Variants in MAGI2 observed in about 807,000 individuals in gnomAD.
The protein encoded by MAGI2 is membrane associated guanylate kinase, WW and PDZ domain containing 2, also known as membrane-associated guanylate kinase, WW and PDZ domain-containing protein 2.
A neutral mutation model predicts 133.3 loss-of-function variants in MAGI2; 35 were observed. That is an observed-to-expected ratio of 0.26 (90% confidence interval 0.20 to 0.35). MAGI2 has a LOEUF of 0.35. Among genes scored for constraint, MAGI2 ranks in the 10% least tolerant of loss-of-function variants. The pLI, the probability that MAGI2 is intolerant of heterozygous loss-of-function variation, is 1.00. For synonymous variants in MAGI2, 729 were observed against 710.6 expected, an observed-to-expected ratio of 1.03 and a Z score of -0.41; for missense variants, 1,636 against 1,863.4, an observed-to-expected ratio of 0.88 and a Z score of 2.25.
chr7:78,498,795 G>A (rs538907654), intron 5 of MAGI2, among the ~76,000 whole-genome samples: 1 of 152,222 alleles, frequency 6.6e-6, no homozygotes, highest in East Asian at 1.9e-4. Flanking sequence ...GATGCCTCCA[G>A]TCTATGGAGG....
chr7:78,568,167 C>G (rs533223106), intron 3 of MAGI2: 1 of 152,312 alleles, frequency 6.6e-6, no homozygotes, highest in Admixed American at 6.5e-5. Context: ...TGTTTAAGTT[C>G]TAAATGTTTA....
chr7:78,169,787 C>A (rs952571368), intron 14 of MAGI2, among the ~76,000 whole-genome samples: 1 of 152,238 alleles, frequency 6.6e-6, no homozygotes, highest in Non-Finnish European at 1.5e-5. Flanking sequence ...ACTGGCTGCA[C>A]AGTGCAGTTC....
At chr7:78,768,749 T>G (rs888889190) in intron 2 of MAGI2, among the ~76,000 whole-genome samples, 3 of 152,202 alleles carry the variant, frequency 2.0e-5, no homozygotes, top group Admixed American at 6.5e-5. Flanking sequence ...TAGCATAAAA[T>G]TTAAAGAATT....
intron 1 of MAGI2, among the ~76,000 whole-genome samples, chr7:79,198,656 G>A (rs1347303273): frequency 1.0e-3 from 154 of 152,130 alleles, no homozygotes; most frequent in Non-Finnish European, 3.1e-4. Context: ...TTGGGAGGCC[G>A]AAGAGGGAGG....
chr7:78,713,828 CG>C (rs1316125011), intron 2 of MAGI2, among the ~76,000 whole-genome samples: 1 of 152,072 alleles, frequency 6.6e-6, no homozygotes, highest in Non-Finnish European at 1.5e-5. Flanking sequence ...TTTTACCTCA[CG>C]TATTCTCAAT....
chr7:78,685,654 G>A lies in MAGI2; in HGVS notation c.419-58415C>T, dbSNP rs78341361. ...ATATACGTAACCTATATATATATGT[G>A]TGTGTGTGTGTGTATATATAGGTTA... On this transcript the variant is annotated intron_variant, in intron 2 of 21. Transcript: ENST00000354212. Among the ~76,000 whole-genome samples the A allele has an allele frequency of 7.7e-5, 10 of 130,054 alleles. No individual in the cohort carries two copies. The South Asian group carries it at 2.5e-3, about 32-fold the overall frequency. The allele number at this position is 130,054 out of a possible 152,430, so 85.3% of individuals were successfully genotyped here.
At chr7:78,561,231 T>C (rs1461172981) in intron 3 of MAGI2, among the ~76,000 whole-genome samples, 1 of 152,074 alleles carries the variant, frequency 6.6e-6, no homozygotes, top group Non-Finnish European at 1.5e-5. Flanking sequence ...GGTAGGTAGG[T>C]GTGGGCTCAC....
chr7:78,299,032 G>T (rs1797593138), intron 9 of MAGI2, among the ~76,000 whole-genome samples: 1 of 147,134 alleles, frequency 6.8e-6, no homozygotes, highest in South Asian at 2.3e-4. Flanking sequence ...GGTCAGGCTG[G>T]TCTTGAAACT....
intron 6 of MAGI2, among the ~76,000 whole-genome samples, chr7:78,396,718 T>C (rs1349046893): frequency 6.6e-6 from 1 of 152,100 alleles, no homozygotes; most frequent in Non-Finnish European, 1.5e-5. Flanking sequence ...ATTCAATCAA[T>C]GGATAAGTGT....
At chr7:78,732,437 C>T (rs954259100) in intron 2 of MAGI2, among the ~76,000 whole-genome samples, 7 of 152,064 alleles carry the variant, frequency 4.6e-5, no homozygotes, top group African/African-American at 1.7e-4. Flanking sequence ...GATGGGTCTC[C>T]TCATCTCATC....
chr7:78,408,872 T>C (rs1797621963), intron 6 of MAGI2, among the ~76,000 whole-genome samples: 1 of 152,136 alleles, frequency 6.6e-6, no homozygotes, highest in Admixed American at 6.6e-5. Flanking sequence ...CTAGAATAAA[T>C]TTGAAATTAC....
At chr7:79,061,191 T>G (rs1813693010) in intron 1 of MAGI2, among the ~76,000 whole-genome samples, 1 of 152,088 alleles carries the variant, frequency 6.6e-6, no homozygotes, top group Admixed American at 6.6e-5. Flanking sequence ...TTCAGGAAGA[T>G]GTTCCTGAGC....
chr7:79,158,550 A>C (rs541618906), intron 1 of MAGI2, among the ~76,000 whole-genome samples: 1 of 152,222 alleles, frequency 6.6e-6, no homozygotes, highest in East Asian at 1.9e-4. Flanking sequence ...ATTGACCATA[A>C]GGGTTATAAA....
rs546068084 is a variant in MAGI2 at position 79,335,572 on chromosome 7, T to C, written c.301+117448A>G. Among the ~76,000 whole-genome samples the C allele has an allele frequency of 3.9e-5, 6 of 152,162 alleles. No individual in the cohort carries two copies. The South Asian group carries it at 8.3e-4, about 21-fold the overall frequency. On this transcript the variant is annotated intron_variant, in intron 1 of 21. Transcript: ENST00000354212. ...AAAATGGTAAATATATAGGAAAATA[T>C]ATAGAAAAATGGTAAATCTATAGGA...
chr7:78,213,954 C>A (rs1788019728), intron 10 of MAGI2, among the ~76,000 whole-genome samples: 1 of 152,168 alleles, frequency 6.6e-6, no homozygotes, highest in Non-Finnish European at 1.5e-5. Context: ...TTGAAACACC[C>A]AATCCAAACC....
At chr7:78,253,044 T>A (rs1792589119) in intron 10 of MAGI2, 2 of 152,026 alleles carry the variant, frequency 1.3e-5, no homozygotes, top group African/African-American at 4.8e-5. Flanking sequence ...ATATTCTTCT[T>A]ACAGCTGAGC....
chr7:78,727,328 T>C (rs1244188213), intron 2 of MAGI2, among the ~76,000 whole-genome samples: 2 of 152,216 alleles, frequency 1.3e-5, no homozygotes, highest in African/African-American at 4.8e-5. Context: ...TTGCAGCAAT[T>C]ACCTGGCCAT....
chr7:78,383,495 G>A (rs963345055), intron 6 of MAGI2, among the ~76,000 whole-genome samples: 3 of 151,860 alleles, frequency 2.0e-5, no homozygotes, highest in Non-Finnish European at 2.9e-5. Flanking sequence ...TGTATATTCT[G>A]GATATTGGTA....
At chr7:78,606,801 C>G (rs1046258453) in intron 3 of MAGI2, among the ~76,000 whole-genome samples, 10 of 150,408 alleles carry the variant, frequency 6.6e-5, no homozygotes, top group Non-Finnish European at 1.3e-4. Context: ...GTTAACATGC[C>G]CTTGTATTCT....
Sources: allele counts gnomAD v4.1 joint callset (sites outside exome capture counted in the v4.1 genomes callset), GRCh38; gene constraint gnomAD v4.1.1; transcripts MANE v1.5; gene names NCBI Gene and HGNC (gene_info 2026-07-23, HGNC 2026-07-21).